KHDC4: variants seen among roughly 807,000 people sequenced by gnomAD.
KHDC4 encodes the protein KH domain containing 4, pre-mRNA splicing factor.
Under a neutral mutation model 74.5 loss-of-function variants are expected in KHDC4, and 19 were observed. That is an observed-to-expected ratio of 0.26 (90% CI 0.18 to 0.37). The LOEUF (loss-of-function observed/expected upper bound fraction) is 0.37. Among genes scored for constraint, KHDC4 ranks in the 10% least tolerant of loss-of-function variants. The pLI, the probability that KHDC4 is intolerant of heterozygous loss-of-function variation, is 1.00. For missense variants in KHDC4, 632 were observed against 754.1 expected, an observed-to-expected ratio of 0.84 and a Z score of 1.90; for synonymous variants, 253 against 266.1, an observed-to-expected ratio of 0.95 and a Z score of 0.48.
chr1:155,917,858 GA>G (rs1161847030), intron 10 of KHDC4, among the ~76,000 whole-genome samples, 186 bp from the exon 11 acceptor site: 1 of 152,058 alleles, frequency 6.6e-6, no homozygotes, highest in Non-Finnish European at 1.5e-5. Flanking sequence ...TCATCCTAGG[GA>G]AACATGAAAT....
intron 10 of KHDC4, among the ~76,000 whole-genome samples, chr1:155,919,603 G>A (rs190165443): frequency 6.6e-6 from 1 of 152,110 alleles, no homozygotes; most frequent in African/African-American, 2.4e-5. Context: ...GAGGTTAGGA[G>A]ATCAAGACCA....
chr1:155,923,627 T>C lies in KHDC4; in HGVS notation c.954A>G (p.Thr318=). 5.0e-6 allele frequency: 8 copies of C among 1,612,320 alleles called. No individual in the cohort carries two copies. Among genetic ancestry groups the C allele is most frequent in the Non-Finnish European group, 6.8e-6 (8 of 1,178,354 alleles). Residue 318 remains threonine (T), a splice_region_variant and synonymous_variant, in exon 8 of 14, where the codon ACA becomes ACG. Coordinates refer to ENST00000368321, the MANE Select transcript of KHDC4 (RefSeq NM_014949.4). ...TGAGTATCAGACAAATACAACTCACTGTTTGCAAAAGATTCTCACAAAGCT... is the reference window on the plus strand; with the variant it reads ...TGAGTATCAGACAAATACAACTCACCGTTTGCAAAAGATTCTCACAAAGCT... ...AKKLCENLLQ[T]VHAEYSRFVN... is the part of the protein sequence containing the mutation.
At chr1:155,920,370 G>A (rs531503219) in intron 10 of KHDC4, among the ~76,000 whole-genome samples, 64 of 152,040 alleles carry the variant, frequency 4.2e-4, no homozygotes, top group Admixed American at 1.7e-3. Flanking sequence ...CCTGGGAGGC[G>A]GAGCTTGCAG....
rs1673676594 is a variant in KHDC4 at position 155,913,813 on chromosome 1, C to G, written c.*308G>C. 3.5e-6 allele frequency: 1 copy of G among 285,558 alleles called. No individual in the cohort carries two copies. The allele number at this position is 285,558 out of a possible 1,614,324, so 17.7% of individuals were successfully genotyped here. ...GGCTATTCACCTGGAAAAGGCTGAC[C>G]AGGTCAAATGTGTATGGGAACGACC... On this transcript the variant is annotated 3_prime_UTR_variant, in exon 14 of 14. Coordinates refer to ENST00000368321, the MANE Select transcript of KHDC4 (RefSeq NM_014949.4).
At chr1:155,921,722 G>A in intron 9 of KHDC4, 94 bp from the exon 10 acceptor site, 3 of 1,505,556 alleles carry the variant, frequency 2.0e-6, no homozygotes, top group Non-Finnish European at 2.7e-6. Context: ...GAAAAATACT[G>A]AGGCATGAAT....
chr1:155,921,589 T>TGAG lies in KHDC4; in HGVS notation c.1049_1051dup (p.Pro350dup). On this transcript the variant is annotated inframe_insertion, in exon 10 of 14. Coordinates refer to ENST00000368321, the MANE Select transcript of KHDC4 (RefSeq NM_014949.4). ...GCCATTGGATGGATAATATGGTGGTTGAGGAGGGACACTACTTATAGCAGA... is the reference window on the plus strand; with the variant it reads ...GCCATTGGATGGATAATATGGTGGTTGAGGAGGAGGGACACTACTTATAGCAGA... 6.2e-7 allele frequency: 1 copy of TGAG among 1,614,066 alleles called. No individual in the cohort carries two copies. The highest frequency in any genetic ancestry group is 2.2e-5 in the East Asian group (1 of 44,876).
intron 10 of KHDC4, among the ~76,000 whole-genome samples, chr1:155,918,177 G>A (rs1260886738): frequency 6.6e-6 from 1 of 152,170 alleles, no homozygotes; most frequent in Non-Finnish European, 1.5e-5. Context: ...GAATAGGCAG[G>A]TCTGAAGAGA....
At chr1:155,924,244 C>G (rs1420515858) in intron 7 of KHDC4, among the ~76,000 whole-genome samples, 1 of 152,162 alleles carries the variant, frequency 6.6e-6, no homozygotes, top group African/African-American at 2.4e-5. Flanking sequence ...GAATCTTGCT[C>G]TGTTGCCCAG....
At position 155,921,441 on chromosome 1, in the gene KHDC4, A is replaced by G. The variant is rs1444227304; in HGVS notation, c.1200T>C (p.Thr400=). Residue 400 remains threonine (T), a synonymous_variant, in exon 10 of 14, where the codon ACT becomes ACC. Transcript: ENST00000368321. ...LAPGVLPALP[T]GVPPVPTQYP... The stretch of plus-strand genomic sequence containing the variant: ...ATTGTGTTGGCACAGGTGGGACTCC[A>G]GTAGGTAATGCCGGCAAGACTCCAG... 5 of 1,614,046 alleles carry G rather than the reference A, an allele frequency of 3.1e-6. No individual in the cohort carries two copies. The Admixed American group carries it at 6.7e-5, about 22-fold the overall frequency.
chr1:155,919,384 G>A (rs1673802902), intron 10 of KHDC4, among the ~76,000 whole-genome samples: 1 of 152,140 alleles, frequency 6.6e-6, no homozygotes, highest in Non-Finnish European at 1.5e-5. Context: ...AATTTTGGCT[G>A]GGCACGGTGG....
chr1:155,928,688 C>T (rs772105895), intron 4 of KHDC4, among the ~76,000 whole-genome samples: 5 of 150,486 alleles, frequency 3.3e-5, no homozygotes, highest in Middle Eastern at 3.3e-3. Flanking sequence ...CGTGGTGGCT[C>T]ACGCCTGTAA....
At chr1:155,922,339 G>A (rs1335022638) in intron 8 of KHDC4, among the ~76,000 whole-genome samples, 2 of 151,968 alleles carry the variant, frequency 1.3e-5, no homozygotes, top group Non-Finnish European at 2.9e-5. Context: ...AGAGACGGGG[G>A]TTTCACGATG....
At chr1:155,918,204 T>C (rs1673776054) in intron 10 of KHDC4, among the ~76,000 whole-genome samples, 1 of 152,194 alleles carries the variant, frequency 6.6e-6, no homozygotes, top group Admixed American at 6.5e-5. Flanking sequence ...TATACAGCCA[T>C]GCATTGCTTA....
chr1:155,929,676 C>T (rs1557971498), intron 3 of KHDC4, 36 bp downstream of exon 3: 1 of 1,596,982 alleles, frequency 6.3e-7, no homozygotes, highest in Non-Finnish European at 8.5e-7. Flanking sequence ...TGAATCCACT[C>T]ACCGCCCTCC....
Position 155,923,702 on chromosome 1 carries a change from C to T in KHDC4, c.894-15G>A. On this transcript the variant is annotated splice_polypyrimidine_tract_variant and intron_variant, in intron 7 of 13. Coordinates refer to ENST00000368321, the MANE Select transcript of KHDC4 (RefSeq NM_014949.4). ...GTTTGGGGTGACTGCAAAGAAATAACCAGGAATTCAAAGGAGAGAAAAATA... is the reference window on the plus strand; with the variant it reads ...GTTTGGGGTGACTGCAAAGAAATAATCAGGAATTCAAAGGAGAGAAAAATA... The T allele has an allele frequency of 6.2e-7, 1 of 1,602,290 alleles. No individual in the cohort carries two copies. Among genetic ancestry groups the T allele is most frequent in the Non-Finnish European group, 8.5e-7 (1 of 1,169,594 alleles).
At position 155,915,870 on chromosome 1, in the gene KHDC4, C is replaced by T; in HGVS notation, c.1645+3G>A. 1 of 1,576,032 alleles carries T rather than the reference C, an allele frequency of 6.3e-7. No homozygotes were observed. Among genetic ancestry groups the T allele is most frequent in the South Asian group, 1.1e-5 (1 of 87,982 alleles). ...CCTGTTCCCCCAGCTATATCACACT[C>T]ACCATGGCTCCCTGTTAAGGTCCCA... is the stretch of plus-strand genomic sequence containing the variant. On this transcript the variant is annotated splice_donor_region_variant and intron_variant, in intron 13 of 13. Coordinates refer to ENST00000368321, the MANE Select transcript of KHDC4 (RefSeq NM_014949.4).
chr1:155,913,627 A>C lies in KHDC4; in HGVS notation c.*494T>G, dbSNP rs1409123225. 6.5e-6 allele frequency: 1 copy of C among 153,290 alleles called. No individual in the cohort carries two copies. Among genetic ancestry groups the C allele is most frequent in the Admixed American group, 6.5e-5 (1 of 15,372 alleles). 9.5% of individuals were successfully genotyped at this position (153,290 alleles called of 1,614,324 possible). On this transcript the variant is annotated 3_prime_UTR_variant, in exon 14 of 14. Coordinates refer to ENST00000368321, the MANE Select transcript of KHDC4 (RefSeq NM_014949.4). Reference sequence around the variant, plus strand: ...TCCAAAACAGAAATAATCCAAAACAAAACAGGGATGCAGATCTGTCAGAAT... The same window carrying C: ...TCCAAAACAGAAATAATCCAAAACACAACAGGGATGCAGATCTGTCAGAAT...
At chr1:155,914,403 G>A in intron 13 of KHDC4, 83 bp from the exon 14 acceptor site, 5 of 1,166,330 alleles carry the variant, frequency 4.3e-6, no homozygotes, top group Non-Finnish European at 4.9e-6. Context: ...TTAAAAAAAA[G>A]ATGTTAATTT....
intron 1 of KHDC4, 62 bp downstream of exon 1, chr1:155,934,274 G>A: frequency 3.5e-5 from 54 of 1,553,038 alleles, no homozygotes; most frequent in Non-Finnish European, 4.7e-5. Flanking sequence ...AGCTTCTCAG[G>A]GTCCCTCCGC....
Sources: gnomAD v4.1 joint callset for allele counts (sites outside exome capture counted in the v4.1 genomes callset) on GRCh38, gnomAD v4.1.1 for gene constraint, MANE v1.5 for transcripts, NCBI Gene and HGNC (gene_info 2026-07-23, HGNC 2026-07-21) for gene names.